Variants in ZNF423 observed in about 807,000 individuals in gnomAD.
ZNF423 encodes Ebf-associated zinc finger protein.
In ZNF423, 12 loss-of-function variants were observed where a neutral mutation model predicts 95.8. The observed-to-expected ratio is 0.13, with a 90% CI of 0.08 to 0.20. The LOEUF is 0.20. ZNF423 is among the 10% of genes least tolerant of loss of function. The probability of loss-of-function intolerance (pLI) is 1.00; values close to 1 mark genes in which losing one functional copy is unlikely to be tolerated. For missense variants in ZNF423, 1,316 were observed against 1,737.1 expected (o/e 0.76, Z 4.31); for synonymous variants, 749 against 711.9 (o/e 1.05, Z -0.83).
chr16:49,515,884 G>A (rs1221377592), intron 7 of ZNF423, among the ~76,000 whole-genome samples: 4 of 152,180 alleles, frequency 2.6e-5, no homozygotes, highest in African/African-American at 9.6e-5. Flanking sequence ...CTGGGCTGGT[G>A]GGCAGAGGCG....
At chr16:49,558,215 G>C (rs1467660027) in intron 5 of ZNF423, among the ~76,000 whole-genome samples, 5 of 152,186 alleles carry the variant, frequency 3.3e-5, no homozygotes, top group Non-Finnish European at 7.3e-5. Flanking sequence ...GCAATGGTGG[G>C]CAGATTTCAC....
chr16:49,584,857 T>C lies in ZNF423; in HGVS notation c.3601+41313A>G, dbSNP rs1478591631. On this transcript the variant is annotated intron_variant, in intron 5 of 7. Coordinates refer to ENST00000563137, the MANE Select transcript of ZNF423 (RefSeq NM_001379286.1). ...AATATTGCTACATATTGCTTCAATA[T>C]GTAGAATGCACCGGGAACATAATTC... Among the ~76,000 whole-genome samples the C allele has an allele frequency of 3.3e-5, 5 of 152,326 alleles. No homozygotes were observed. In the South Asian group the frequency reaches 8.3e-4, roughly 25 times the overall value.
At chr16:49,522,590 T>C (rs953833357) in intron 7 of ZNF423, among the ~76,000 whole-genome samples, 1 of 152,132 alleles carries the variant, frequency 6.6e-6, no homozygotes, top group African/African-American at 2.4e-5. Flanking sequence ...GGCTCATTCT[T>C]GGTATGTGAC....
intron 5 of ZNF423, among the ~76,000 whole-genome samples, chr16:49,529,686 G>A (rs1487763371): frequency 6.6e-6 from 1 of 152,190 alleles, no homozygotes; most frequent in Non-Finnish European, 1.5e-5. Context: ...AGAGAGAGCT[G>A]ATTATCAGAA....
intron 7 of ZNF423, among the ~76,000 whole-genome samples, chr16:49,508,198 T>C (rs922338629): frequency 2.6e-5 from 4 of 152,174 alleles, no homozygotes; most frequent in Non-Finnish European, 2.9e-5. Context: ...TAAATGACTC[T>C]TTATGATGAT....
intron 3 of ZNF423, among the ~76,000 whole-genome samples, chr16:49,648,696 T>A (rs948838522): frequency 6.6e-6 from 1 of 151,900 alleles, no homozygotes; most frequent in Non-Finnish European, 1.5e-5. Context: ...GAGATTTACT[T>A]ACAAGAAAGC....
chr16:49,700,195 CAAAAAAAAAAAAA>C (rs3084468), intron 3 of ZNF423, among the ~76,000 whole-genome samples: 97 of 96,544 alleles, frequency 1.0e-3, no homozygotes, highest in Non-Finnish European at 1.6e-3. Context: ...CCCAGGATTT[CAAAAAAAAAAAAA>C]AAAAAAAAAC....
intron 5 of ZNF423, among the ~76,000 whole-genome samples, chr16:49,577,611 G>A (rs887201365): frequency 5.9e-5 from 9 of 152,150 alleles, no homozygotes; most frequent in African/African-American, 2.2e-4. Context: ...TCCAGCAGCC[G>A]CTCAACTTGC....
At chr16:49,631,922 G>C (rs529683592) in intron 4 of ZNF423, among the ~76,000 whole-genome samples, 1 of 152,164 alleles carries the variant, frequency 6.6e-6, no homozygotes, top group Non-Finnish European at 1.5e-5. Flanking sequence ...ACTGGAATTC[G>C]ATGCCCACTG....
intron 4 of ZNF423, among the ~76,000 whole-genome samples, chr16:49,634,689 C>T (rs1301247525): frequency 6.6e-6 from 1 of 152,200 alleles, no homozygotes; most frequent in Non-Finnish European, 1.5e-5. Context: ...CTCCTGAGAT[C>T]CGCCTGGCAC....
chr16:49,756,187 T>A lies in ZNF423; in HGVS notation c.101-25216A>T, dbSNP rs142039430. ...AGAGACAAGGGTTTTCAAAACGGAC[T>A]TGCTGTTTTGAATCCTGGGGGCAGC... On this transcript the variant is annotated intron_variant, in intron 2 of 7. Transcript: ENST00000563137. Among the ~76,000 whole-genome samples, 5 of 152,232 alleles carry A rather than the reference T, an allele frequency of 3.3e-5. No homozygotes were observed. In the East Asian group the frequency reaches 9.7e-4, roughly 29 times the overall value.
chr16:49,801,967 G>GC (rs900949032), intron 1 of ZNF423, among the ~76,000 whole-genome samples: 2 of 152,006 alleles, frequency 1.3e-5, no homozygotes, highest in Admixed American at 1.3e-4. Context: ...TCCCACTTCA[G>GC]CCCCCCAAGT....
At chr16:49,722,957 T>A (rs1398463475) in intron 3 of ZNF423, among the ~76,000 whole-genome samples, 43 of 148,846 alleles carry the variant, frequency 2.9e-4, no homozygotes, top group African/African-American at 1.0e-3. Context: ...GTTCTAATTT[T>A]TTTTTTTTTT....
At chr16:49,626,949 A>G (rs1200959552) in intron 4 of ZNF423, among the ~76,000 whole-genome samples, 1 of 107,582 alleles carries the variant, frequency 9.3e-6, no homozygotes, top group African/African-American at 4.7e-5. Flanking sequence ...AGACCCATCC[A>G]TCCATCCTCC....
rs181204381 is a variant in ZNF423, at chr16:49,526,727, A to G, written c.3602-1233T>C. The stretch of plus-strand genomic sequence containing the variant: ...TGGGTGATCTTAGGCAAGTCACACA[A>G]CCTCTCTGTACCTCAGTTTCCTCTG... On this transcript the variant is annotated intron_variant, in intron 5 of 7. Coordinates refer to ENST00000563137, the MANE Select transcript of ZNF423 (RefSeq NM_001379286.1). Among the ~76,000 whole-genome samples the G allele has an allele frequency of 2.6e-5, 4 of 152,216 alleles. No individual in the cohort carries two copies. In the East Asian group the frequency reaches 7.7e-4, roughly 29 times the overall value.
At chr16:49,748,141 C>T (rs1207233037) in intron 2 of ZNF423, among the ~76,000 whole-genome samples, 4 of 152,196 alleles carry the variant, frequency 2.6e-5, no homozygotes, top group Admixed American at 2.6e-4. Context: ...TCTATCTGTT[C>T]ACTGTGGAAT....
At chr16:49,724,798 G>A (rs1490799716) in intron 3 of ZNF423, among the ~76,000 whole-genome samples, 1 of 152,186 alleles carries the variant, frequency 6.6e-6, no homozygotes, top group Non-Finnish European at 1.5e-5. Flanking sequence ...CCTTTCACAG[G>A]GGCCAGGGAA....
At chr16:49,851,496 G>T (rs1180389000) in intron 1 of ZNF423, among the ~76,000 whole-genome samples, 1 of 152,206 alleles carries the variant, frequency 6.6e-6, no homozygotes, top group Non-Finnish European at 1.5e-5. Flanking sequence ...CTATTAGATT[G>T]AACCAGATCC....
chr16:49,787,475 T>C (rs566448479), intron 2 of ZNF423, among the ~76,000 whole-genome samples: 53 of 152,098 alleles, frequency 3.5e-4, no homozygotes, highest in African/African-American at 1.2e-3. Flanking sequence ...ACAAGGAGTG[T>C]GCATCCTCCT....
Sources: allele counts gnomAD v4.1 joint callset (sites outside exome capture counted in the v4.1 genomes callset), GRCh38; gene constraint gnomAD v4.1.1; transcripts MANE v1.5; gene names NCBI Gene and HGNC (gene_info 2026-07-23, HGNC 2026-07-21).